Variants in NOX4 observed in about 807,000 individuals in gnomAD.
NOX4 encodes kidney oxidase-1.
A neutral mutation model predicts 87.6 loss-of-function variants in NOX4; 69 were observed. The observed-to-expected ratio is 0.79, with a 90% CI of 0.65 to 0.96. NOX4 has a LOEUF of 0.96. Ranked by LOEUF, NOX4 falls within the 40% of genes least tolerant of loss-of-function variation. The probability of loss-of-function intolerance (pLI) is 0.00; values close to 1 mark genes in which losing one functional copy is unlikely to be tolerated. For missense variants in NOX4, 680 were observed against 681.5 expected, an observed-to-expected ratio of 1.00 and a Z score of 0.02; for synonymous variants, 275 against 238.2, an observed-to-expected ratio of 1.15 and a Z score of -1.42.
At chr11:89,536,459 C>A in the NOX4 span, among the ~76,000 whole-genome samples, 1 of 152,022 alleles carries the variant, frequency 6.6e-6, no homozygotes, top group African/African-American at 2.4e-5. Context: ...TGGTCCTTTT[C>A]TACCTCTGCA....
At chr11:89,462,090 TA>T (rs1945496034) in intron 2 of NOX4, among the ~76,000 whole-genome samples, 2 of 152,014 alleles carry the variant, frequency 1.3e-5, no homozygotes, top group Non-Finnish European at 2.9e-5. Context: ...TGGCGACAGA[TA>T]TTTTTAAAAA....
intron 2 of NOX4, among the ~76,000 whole-genome samples, chr11:89,457,800 A>AT (rs1482281518): frequency 6.6e-6 from 1 of 152,226 alleles, no homozygotes. Context: ...TCATAATCCC[A>AT]TTCACAATAT....
chr11:89,412,406 A>C (rs1942526939), intron 8 of NOX4, among the ~76,000 whole-genome samples: 1 of 152,156 alleles, frequency 6.6e-6, no homozygotes, highest in Admixed American at 6.6e-5. Flanking sequence ...CAAGGATCAT[A>C]TGTTAGGTAA....
intron 6 of NOX4, among the ~76,000 whole-genome samples, chr11:89,433,239 A>G (rs1943905077): frequency 6.6e-6 from 1 of 152,102 alleles, no homozygotes; most frequent in South Asian, 2.1e-4. Flanking sequence ...TACTATAGTC[A>G]TTCTACAGTG....
chr11:89,532,053 T>C, the NOX4 span, among the ~76,000 whole-genome samples: 1 of 152,180 alleles, frequency 6.6e-6, no homozygotes, highest in Non-Finnish European at 1.5e-5. Flanking sequence ...TACATGGAAA[T>C]GCCTGGATGT....
chr11:89,405,564 C>T (rs954639828), intron 8 of NOX4, among the ~76,000 whole-genome samples: 46 of 151,330 alleles, frequency 3.0e-4, no homozygotes, highest in African/African-American at 1.1e-3. Flanking sequence ...TTAGTTGTAA[C>T]TCTTGCCACC....
Position 89,326,734 on chromosome 11 carries a change from T to C in NOX4, c.*22A>G. Reference sequence around the variant, plus strand: ...AATTGCACTCATTCCTTCTTTAGAGTCCTGCTTCATGGCAAAAGTTTTCAG... The same window carrying C: ...AATTGCACTCATTCCTTCTTTAGAGCCCTGCTTCATGGCAAAAGTTTTCAG... On this transcript the variant is annotated 3_prime_UTR_variant, in exon 18 of 18. Coordinates refer to ENST00000263317, the MANE Select transcript of NOX4 (RefSeq NM_016931.5). 1 of 1,610,008 alleles carries C rather than the reference T, an allele frequency of 6.2e-7. No homozygotes were observed. Among genetic ancestry groups the C allele is most frequent in the Non-Finnish European group, 8.5e-7 (1 of 1,177,462 alleles).
the NOX4 span, among the ~76,000 whole-genome samples, chr11:89,572,503 T>G: frequency 1.5e-4 from 23 of 152,144 alleles, no homozygotes; most frequent in African/African-American, 5.6e-4. Flanking sequence ...AAAAATGATG[T>G]GCATTCTGCA....
chr11:89,505,320 T>A, the NOX4 span, among the ~76,000 whole-genome samples: 3 of 151,964 alleles, frequency 2.0e-5, no homozygotes, highest in Non-Finnish European at 4.4e-5. Context: ...GGAGATCATG[T>A]TCTAATGAGC....
upstream of NOX4, among the ~76,000 whole-genome samples, chr11:89,501,078 A>G (rs1448609290): frequency 6.6e-6 from 1 of 152,064 alleles, no homozygotes; most frequent in East Asian, 1.9e-4. Context: ...CCCTAGGAGA[A>G]CAGGATTTTT....
intron 11 of NOX4, among the ~76,000 whole-genome samples, chr11:89,381,654 C>G (rs1312925713): frequency 2.0e-5 from 3 of 151,962 alleles, no homozygotes; most frequent in Admixed American, 6.6e-5. Context: ...GTGGTCTTTT[C>G]ACGCTGACAT....
At chr11:89,460,750 T>C (rs1034587091) in intron 2 of NOX4, among the ~76,000 whole-genome samples, 15 of 152,260 alleles carry the variant, frequency 9.9e-5, no homozygotes, top group Admixed American at 2.6e-4. Context: ...GTCAGTGTGG[T>C]GATTCCTCAG....
chr11:89,557,591 A>C, the NOX4 span, among the ~76,000 whole-genome samples: 3 of 152,168 alleles, frequency 2.0e-5, no homozygotes, highest in African/African-American at 7.2e-5. Context: ...ACATAATTTA[A>C]GGAACAAGAG....
At chr11:89,345,616 A>T (rs942337220) in intron 13 of NOX4, among the ~76,000 whole-genome samples, 3 of 152,038 alleles carry the variant, frequency 2.0e-5, no homozygotes, top group Admixed American at 6.6e-5. Context: ...CCCAGTGTCT[A>T]TTGTTTCCAT....
At chr11:89,384,087 A>G (rs998001642) in intron 11 of NOX4, among the ~76,000 whole-genome samples, 2 of 152,134 alleles carry the variant, frequency 1.3e-5, no homozygotes, top group African/African-American at 4.8e-5. Context: ...CTGTCCAAAA[A>G]CCAGACAAGT....
chr11:89,332,062 T>G (rs1392145233), intron 17 of NOX4, among the ~76,000 whole-genome samples: 1 of 151,726 alleles, frequency 6.6e-6, no homozygotes, highest in African/African-American at 2.4e-5. Flanking sequence ...ACTAAGAAAA[T>G]GTGGTTTGGG....
the NOX4 span, among the ~76,000 whole-genome samples, chr11:89,525,057 TATATGA>T: frequency 3.3e-5 from 5 of 152,060 alleles, no homozygotes; most frequent in Non-Finnish European, 7.4e-5. Flanking sequence ...AGTTATCCAT[TATATGA>T]ATATAATGCA....
intron 11 of NOX4, among the ~76,000 whole-genome samples, chr11:89,390,996 T>C (rs1941081076): frequency 6.6e-6 from 1 of 152,166 alleles, no homozygotes; most frequent in African/African-American, 2.4e-5. Flanking sequence ...TAAGGAAGAC[T>C]GTGCTATAAA....
chr11:89,366,479 T>A (rs1490256571), intron 12 of NOX4, among the ~76,000 whole-genome samples: 4 of 151,892 alleles, frequency 2.6e-5, no homozygotes, highest in African/African-American at 9.7e-5. Flanking sequence ...GGAGTTTGAT[T>A]AGCCTGAGCA....
Sources: gnomAD v4.1 joint callset for allele counts (sites outside exome capture counted in the v4.1 genomes callset) on GRCh38, gnomAD v4.1.1 for gene constraint, MANE v1.5 for transcripts, NCBI Gene and HGNC (gene_info 2026-07-23, HGNC 2026-07-21) for gene names.